FAM78B: variants seen among roughly 807,000 people sequenced by gnomAD.
FAM78B encodes the protein family with sequence similarity 78 member B, also known as protein FAM78B.
In FAM78B, 10 loss-of-function variants were observed where a neutral mutation model predicts 20.0. The ratio of observed to expected loss-of-function variants is 0.50; its 90% confidence interval spans 0.31 to 0.85. The LOEUF (loss-of-function observed/expected upper bound fraction) is 0.85. FAM78B is among the 40% of genes least tolerant of loss of function. FAM78B has a pLI of 0.05. For missense variants in FAM78B, 283 were observed against 345.0 expected (o/e 0.82, Z 1.42); for synonymous variants, 135 against 132.8 (o/e 1.02, Z -0.12).
chr1:166,159,858 G>A (rs1247801301), intron 1 of FAM78B, among the ~76,000 whole-genome samples: 1 of 152,194 alleles, frequency 6.6e-6, no homozygotes, highest in African/African-American at 2.4e-5. Context: ...TCCCTGATAA[G>A]ACCAGTTAAT....
chr1:166,079,486 G>A (rs1260156230), intron 1 of FAM78B, among the ~76,000 whole-genome samples: 1 of 152,240 alleles, frequency 6.6e-6, no homozygotes, highest in African/African-American at 2.4e-5. Context: ...GGTGGCCAGA[G>A]GGTGGCTGTT....
chr1:166,152,671 T>G (rs142676294), intron 1 of FAM78B, among the ~76,000 whole-genome samples: 36 of 150,254 alleles, frequency 2.4e-4, no homozygotes, highest in African/African-American at 8.7e-4. Flanking sequence ...TTTATTTATT[T>G]ATTTATTTAT....
intron 1 of FAM78B, among the ~76,000 whole-genome samples, chr1:166,072,700 G>C (rs1652096156): frequency 6.6e-6 from 1 of 152,154 alleles, no homozygotes; most frequent in South Asian, 2.1e-4. Context: ...TTACACTTTG[G>C]CTGTGACCAG....
At chr1:166,064,993 G>A (rs1571124189), downstream of FAM78B, among the ~76,000 whole-genome samples, 1 of 152,196 alleles carries the variant, frequency 6.6e-6, no homozygotes, top group South Asian at 2.1e-4. Context: ...CACCCAACTG[G>A]GCCTCCCTTC....
chr1:166,070,839 C>G, intron 1 of FAM78B, 76 bp from the exon 2 acceptor site: 1 of 1,456,034 alleles, frequency 6.9e-7, no homozygotes, highest in Non-Finnish European at 9.1e-7. Context: ...GTGCTCACTG[C>G]TTACTAACAT....
intron 1 of FAM78B, among the ~76,000 whole-genome samples, chr1:166,165,564 G>A (rs967226091): frequency 3.9e-5 from 6 of 152,056 alleles, no homozygotes; most frequent in African/African-American, 1.2e-4. Flanking sequence ...CAAAGGACGC[G>A]CGGCACAGCC....
At chr1:166,088,597 G>A (rs996455249) in intron 1 of FAM78B, among the ~76,000 whole-genome samples, 6 of 152,308 alleles carry the variant, frequency 3.9e-5, no homozygotes, top group Non-Finnish European at 5.9e-5. Flanking sequence ...TATGTGGAAC[G>A]GTAGGTGTCA....
chr1:166,150,653 C>A (rs1243355602), intron 1 of FAM78B, among the ~76,000 whole-genome samples: 2 of 152,144 alleles, frequency 1.3e-5, no homozygotes, highest in Non-Finnish European at 2.9e-5. Context: ...AATTTCAACA[C>A]AAATTTCATA....
chr1:166,107,541 A>T (rs1380980066), intron 1 of FAM78B, among the ~76,000 whole-genome samples: 1 of 152,164 alleles, frequency 6.6e-6, no homozygotes. Context: ...GACCAGACAG[A>T]TTAATATAAG....
At chr1:166,085,617 G>A (rs1401118904) in intron 1 of FAM78B, among the ~76,000 whole-genome samples, 1 of 152,248 alleles carries the variant, frequency 6.6e-6, no homozygotes, top group East Asian at 1.9e-4. Flanking sequence ...GGCACAGCGT[G>A]TGAGCAGGAG....
At chr1:166,099,328 A>C (rs1206689660) in intron 1 of FAM78B, among the ~76,000 whole-genome samples, 1 of 152,234 alleles carries the variant, frequency 6.6e-6, no homozygotes, top group Non-Finnish European at 1.5e-5. Flanking sequence ...CTATAAAACA[A>C]AAATACAAGT....
chr1:166,061,057 C>T (rs1407289126), intron 2 of FAM78B, among the ~76,000 whole-genome samples: 1 of 152,146 alleles, frequency 6.6e-6, no homozygotes, highest in African/African-American at 2.4e-5. Context: ...CTCTGTAGCT[C>T]ACCCAACATT....
downstream of FAM78B, among the ~76,000 whole-genome samples, chr1:166,065,480 A>G (rs1651761372): frequency 6.6e-6 from 1 of 152,240 alleles, no homozygotes; most frequent in African/African-American, 2.4e-5. Context: ...CAATACTAAG[A>G]CTTTCCATCT....
At chr1:166,083,279 G>A (rs527257431) in intron 1 of FAM78B, among the ~76,000 whole-genome samples, 27 of 152,094 alleles carry the variant, frequency 1.8e-4, no homozygotes, top group African/African-American at 4.8e-4. Flanking sequence ...TCTTTATTCT[G>A]TAATAAAAAG....
At chr1:166,163,941 G>A (rs1656256525) in intron 1 of FAM78B, among the ~76,000 whole-genome samples, 1 of 152,118 alleles carries the variant, frequency 6.6e-6, no homozygotes, top group Non-Finnish European at 1.5e-5. Flanking sequence ...AATCCCAAAT[G>A]CAAGGATTCA....
At chr1:166,137,820 CTAGACTCTGCTTCAAT>C (rs1655123943) in intron 1 of FAM78B, among the ~76,000 whole-genome samples, 1 of 152,200 alleles carries the variant, frequency 6.6e-6, no homozygotes, top group Non-Finnish European at 1.5e-5. Flanking sequence ...TGGGCTCTAT[CTAGACTCTGCTTCAAT>C]TGCTCCATAC....
At chr1:166,087,632 A>ATGG (rs1414231420) in intron 1 of FAM78B, 2 of 152,218 alleles carry the variant, frequency 1.3e-5, no homozygotes, top group Non-Finnish European at 2.9e-5. Flanking sequence ...AACAACTTAG[A>ATGG]TGGAGAGAAG....
chr1:166,145,410 G>A (rs959442437), intron 1 of FAM78B, among the ~76,000 whole-genome samples: 23 of 152,212 alleles, frequency 1.5e-4, no homozygotes, highest in Non-Finnish European at 2.6e-4. Context: ...CTGTAGGTTG[G>A]CACCAGGTGC....
chr1:166,064,908 A>G (rs1404094158), downstream of FAM78B, among the ~76,000 whole-genome samples: 1 of 152,222 alleles, frequency 6.6e-6, no homozygotes, highest in Non-Finnish European at 1.5e-5. Flanking sequence ...TGATTTGTTC[A>G]AGTCCAGCTA....
Sources: gnomAD v4.1 joint callset for allele counts (sites outside exome capture counted in the v4.1 genomes callset) on GRCh38, gnomAD v4.1.1 for gene constraint, MANE v1.5 for transcripts, NCBI Gene and HGNC (gene_info 2026-07-23, HGNC 2026-07-21) for gene names.